PODN: variants seen among roughly 807,000 people sequenced by gnomAD.
The protein encoded by PODN is podocan proteoglycan.
A neutral mutation model predicts 52.7 loss-of-function variants in PODN; 40 were observed. The observed-to-expected ratio is 0.76, with a 90% CI of 0.59 to 0.99. The LOEUF is 0.99. Ranked by LOEUF, PODN falls within the 50% of genes least tolerant of loss-of-function variation. The pLI is 0.00. For synonymous variants in PODN, 396 were observed against 377.9 expected (o/e 1.05, Z -0.56); for missense variants, 720 against 815.1 (o/e 0.88, Z 1.42).
At chr1:53,075,237 T>G (rs1477399335) in intron 4 of PODN, among the ~76,000 whole-genome samples, 1 of 152,210 alleles carries the variant, frequency 6.6e-6, no homozygotes, top group Non-Finnish European at 1.5e-5. Flanking sequence ...CTCAAAGGTC[T>G]GCCTGCCTCC....
At chr1:53,069,340 G>C (rs1437954500) in intron 1 of PODN, among the ~76,000 whole-genome samples, 1 of 152,274 alleles carries the variant, frequency 6.6e-6, no homozygotes, top group Non-Finnish European at 1.5e-5. Context: ...ACTGGGGGCA[G>C]TTGAGGGGAC....
chr1:53,077,864 A>G, intron 7 of PODN, 64 bp downstream of exon 7: 1 of 1,390,182 alleles, frequency 7.2e-7, no homozygotes, highest in South Asian at 1.2e-5. Context: ...CTTCAGGGCC[A>G]ACCATCCAGC....
chr1:53,066,101 T>C (rs1644029792), intron 1 of PODN, among the ~76,000 whole-genome samples: 1 of 148,530 alleles, frequency 6.7e-6, no homozygotes, highest in South Asian at 2.1e-4. Flanking sequence ...GCTCAGGTGA[T>C]CCTCCCACTT....
intron 10 of PODN, 27 bp downstream of exon 10, chr1:53,082,215 C>T: frequency 6.8e-7 from 1 of 1,468,764 alleles, no homozygotes; most frequent in Non-Finnish European, 9.0e-7. Context: ...GGGCAGCACT[C>T]ACTTCTGCTC....
intron 10 of PODN, among the ~76,000 whole-genome samples, 163 bp from the exon 11 acceptor site, chr1:53,084,350 C>T (rs1291167880): frequency 2.0e-5 from 3 of 151,376 alleles, no homozygotes; most frequent in East Asian, 3.9e-4. Flanking sequence ...TCTGGCACCC[C>T]GCTGGCTCTG....
chr1:53,067,007 G>A, intron 1 of PODN: 1 of 780,542 alleles, frequency 1.3e-6, no homozygotes, highest in African/African-American at 1.8e-5. Context: ...GGGTCAGATG[G>A]GCAAGTGGCT....
chr1:53,066,897 C>G, intron 1 of PODN: 1 of 1,538,540 alleles, frequency 6.5e-7, no homozygotes, highest in Non-Finnish European at 8.8e-7. Flanking sequence ...GAGACCAGAG[C>G]TCCTTCCCCT....
At chr1:53,067,490 C>T (rs779442079) in intron 1 of PODN, among the ~76,000 whole-genome samples, 20 of 152,148 alleles carry the variant, frequency 1.3e-4, no homozygotes, top group Non-Finnish European at 2.6e-4. Flanking sequence ...CTTCAGAGAA[C>T]TGGGTGAACC....
rs566278482 is a variant in PODN, at chr1:53,074,690, G to A, written c.471+20G>A. 3.7e-6 allele frequency: 6 copies of A among 1,612,546 alleles called. No individual in the cohort carries two copies. The highest frequency in any genetic ancestry group is 1.1e-5 in the South Asian group (1 of 91,058). On this transcript the variant is annotated intron_variant, in intron 4 of 10. Coordinates refer to ENST00000312553, the MANE Select transcript of PODN (RefSeq NM_153703.5). ...AACAAGGTGAGGGGCTTGAGGCAGG[G>A]TGGGGGGTTGCTGCCCTGTCCTCTA...
intron 3 of PODN, 138 bp from the exon 4 acceptor site, chr1:53,074,468 A>AACT (rs1228324734): frequency 2.2e-6 from 2 of 928,374 alleles, no homozygotes; most frequent in Admixed American, 1.8e-5. Flanking sequence ...CAGGCCCCCC[A>AACT]ACTGCTTGGG....
At chr1:53,067,661 A>T (rs4926948) in intron 1 of PODN, among the ~76,000 whole-genome samples, 1 of 151,976 alleles carries the variant, frequency 6.6e-6, no homozygotes, top group Non-Finnish European at 1.5e-5. Flanking sequence ...TCATGCCTGT[A>T]ATCTCAGCAC....
At chr1:53,073,154 C>T in intron 3 of PODN, 3 of 223,434 alleles carry the variant, frequency 1.3e-5, no homozygotes, top group Non-Finnish European at 1.9e-5. Flanking sequence ...CTGGACTAGC[C>T]CATACCAACA....
chr1:53,075,455 C>T (rs1644179947), intron 4 of PODN, among the ~76,000 whole-genome samples: 1 of 152,238 alleles, frequency 6.6e-6, no homozygotes, highest in Admixed American at 6.5e-5. Flanking sequence ...TCTTACCGCA[C>T]TGGCCCCCAT....
intron 3 of PODN, 66 bp from the exon 4 acceptor site, chr1:53,074,540 C>T (rs1644166177): frequency 1.1e-5 from 17 of 1,585,580 alleles, no homozygotes; most frequent in South Asian, 7.7e-5. Flanking sequence ...GGAGGGTGGG[C>T]GCTTGCTGTG....
intron 6 of PODN, 25 bp downstream of exon 6, chr1:53,077,371 G>C: frequency 6.2e-7 from 1 of 1,610,968 alleles, no homozygotes; most frequent in Non-Finnish European, 8.5e-7. Context: ...GGTAAGGAGG[G>C]GCACAGCAGA....
Position 53,078,608 on chromosome 1 carries a change from G to A in PODN, c.1098G>A (p.Leu366=). Residue 366 remains leucine (L), a synonymous_variant, in exon 8 of 11, where the codon CTG becomes CTA. Transcript: ENST00000312553. ...QGLKRLHTVH[L]YNNALERVPS... ...TCAAGCGGTTGCACACGGTGCACCT[G>A]TACAACAACGCGCTGGAGCGCGTGC... is the stretch of plus-strand genomic sequence containing the variant. 6.2e-7 allele frequency: 1 copy of A among 1,613,062 alleles called. No homozygotes were observed. The highest frequency in any genetic ancestry group is 1.1e-5 in the South Asian group (1 of 91,086).
At position 53,079,040 on chromosome 1, in the gene PODN, G is replaced by A; in HGVS notation, c.1512+18G>A. On this transcript the variant is annotated intron_variant, in intron 8 of 10. Transcript: ENST00000312553. ...ATCTGCAGGTAAGCGGAAGGGAGGG[G>A]GCTGAGCCATGCCCATGGAGGGGGG... 2 of 1,506,260 alleles carry A rather than the reference G, an allele frequency of 1.3e-6. No homozygotes were observed. Among genetic ancestry groups the A allele is most frequent in the Non-Finnish European group, 1.8e-6 (2 of 1,125,780 alleles). The allele number at this position is 1,506,260 out of a possible 1,614,324, so 93.3% of individuals were successfully genotyped here.
At chr1:53,074,293 G>A (rs892327349) in intron 3 of PODN, among the ~76,000 whole-genome samples, 1 of 152,236 alleles carries the variant, frequency 6.6e-6, no homozygotes, top group African/African-American at 2.4e-5. Context: ...CTGGAGGGGA[G>A]GACTTCTTTC....
At position 53,069,949 on chromosome 1, in the gene PODN, C is replaced by G; in HGVS notation, c.94C>G (p.Arg32Gly). The G allele has an allele frequency of 6.3e-7, 1 of 1,597,176 alleles. No homozygotes were observed. Among genetic ancestry groups the G allele is most frequent in the Non-Finnish European group, 8.5e-7 (1 of 1,172,472 alleles). The change falls in exon 2 of 11, where the codon CGA (arginine) becomes GGA (glycine). Residue 32 changes from arginine to glycine, a missense_variant. Coordinates refer to ENST00000312553, the MANE Select transcript of PODN (RefSeq NM_153703.5). ...VLAVRAPGFG[R>G]SGGHSLSPEE... ...TGCCGTGAGGGCCCCAGGATTTGGCCGAAGTGGCGGCCACAGCCTGAGCCC... is the reference window on the plus strand; with the variant it reads ...TGCCGTGAGGGCCCCAGGATTTGGCGGAAGTGGCGGCCACAGCCTGAGCCC...
Sources: allele counts gnomAD v4.1 joint callset (sites outside exome capture counted in the v4.1 genomes callset), GRCh38; gene constraint gnomAD v4.1.1; transcripts MANE v1.5; gene names NCBI Gene and HGNC (gene_info 2026-07-23, HGNC 2026-07-21).